The following ROBO2 variants were observed in gnomAD, a reference collection of about 807,000 sequenced individuals.
The protein encoded by ROBO2 is roundabout guidance receptor 2, also known as roundabout homolog 2.
Under a neutral mutation model 160.8 loss-of-function variants are expected in ROBO2, and 53 were observed. The ratio of observed to expected loss-of-function variants is 0.33; its 90% confidence interval spans 0.26 to 0.41. ROBO2 has a LOEUF of 0.41. Ranked by LOEUF, ROBO2 falls within the 10% of genes least tolerant of loss-of-function variation. The probability of loss-of-function intolerance (pLI) is 1.00; values close to 1 mark genes in which losing one functional copy is unlikely to be tolerated. For synonymous variants in ROBO2, 664 were observed against 611.7 expected, an observed-to-expected ratio of 1.09 and a Z score of -1.26; for missense variants, 1,577 against 1,722.4, an observed-to-expected ratio of 0.92 and a Z score of 1.49.
chr3:76,903,785 T>G (rs1023303879), intron 2 of ROBO2, among the ~76,000 whole-genome samples: 4 of 152,124 alleles, frequency 2.6e-5, no homozygotes, highest in African/African-American at 7.2e-5. Context: ...GCCATTTGCT[T>G]CTTCTTTTCA....
intron 1 of ROBO2, among the ~76,000 whole-genome samples, chr3:77,060,261 C>G (rs770794156): frequency 6.6e-6 from 1 of 152,098 alleles, no homozygotes; most frequent in Non-Finnish European, 1.5e-5. Flanking sequence ...GCCAGGCTAC[C>G]CATTCCAGCT....
chr3:76,434,202 G>A (rs547345177), intron 2 of ROBO2: 34 of 1,106,160 alleles, frequency 3.1e-5, no homozygotes, highest in East Asian at 7.0e-5. Flanking sequence ...TGGGGGAGAC[G>A]TGCAGAAATA....
At chr3:76,399,187 T>C (rs966511894) in intron 2 of ROBO2, among the ~76,000 whole-genome samples, 6 of 151,792 alleles carry the variant, frequency 4.0e-5, no homozygotes, top group Non-Finnish European at 8.8e-5. Flanking sequence ...GTTGAATTTG[T>C]ATTTTTTAAA....
intron 2 of ROBO2, among the ~76,000 whole-genome samples, chr3:76,197,825 T>G (rs1432709345): frequency 6.6e-6 from 1 of 152,198 alleles, no homozygotes; most frequent in Non-Finnish European, 1.5e-5. Flanking sequence ...GAAATCTTGT[T>G]GGGCATATGG....
At chr3:76,067,013 T>C (rs1442304685) in intron 2 of ROBO2, among the ~76,000 whole-genome samples, 1 of 152,168 alleles carries the variant, frequency 6.6e-6, no homozygotes, top group Non-Finnish European at 1.5e-5. Context: ...ACACTTTCCA[T>C]GGACAAATAC....
chr3:77,385,775 T>C (rs2074036080), intron 2 of ROBO2, among the ~76,000 whole-genome samples: 1 of 152,176 alleles, frequency 6.6e-6, no homozygotes, highest in East Asian at 1.9e-4. Context: ...CATTGTATGT[T>C]TTCCTGCCTT....
intron 2 of ROBO2, among the ~76,000 whole-genome samples, chr3:76,506,057 T>C (rs993721069): frequency 1.3e-5 from 2 of 152,146 alleles, no homozygotes; most frequent in African/African-American, 4.8e-5. Flanking sequence ...AGCACCTGCA[T>C]TCTTCACTGA....
chr3:76,567,799 A>G (rs12491380), intron 2 of ROBO2, among the ~76,000 whole-genome samples: 1,544 of 44,988 alleles, frequency 0.034, 18 homozygotes, highest in East Asian at 0.1. Context: ...GTGTGTGTGT[A>G]TATATATATT....
chr3:76,147,580 A>G (rs2071965888), intron 2 of ROBO2, among the ~76,000 whole-genome samples: 1 of 152,070 alleles, frequency 6.6e-6, no homozygotes, highest in Non-Finnish European at 1.5e-5. Context: ...AAAGTACTTA[A>G]GTTTGCAGCC....
At chr3:76,388,283 T>C (rs993873272) in intron 2 of ROBO2, among the ~76,000 whole-genome samples, 1 of 151,994 alleles carries the variant, frequency 6.6e-6, no homozygotes, top group African/African-American at 2.4e-5. Flanking sequence ...TTTTCTTTTT[T>C]TTTTTTTAGA....
At chr3:76,886,133 T>TCC (rs904023359) in intron 2 of ROBO2, among the ~76,000 whole-genome samples, 12 of 152,170 alleles carry the variant, frequency 7.9e-5, no homozygotes, top group African/African-American at 2.9e-4. Context: ...GTTTTTGCTC[T>TCC]CCCTCTGTCT....
chr3:77,260,086 C>A (rs1241902197), intron 2 of ROBO2, among the ~76,000 whole-genome samples: 9 of 152,098 alleles, frequency 5.9e-5, no homozygotes, highest in African/African-American at 2.2e-4. Context: ...CAACTTATTC[C>A]TTTTAATGTA....
At chr3:77,216,585 G>A (rs1338611000) in intron 2 of ROBO2, among the ~76,000 whole-genome samples, 1 of 152,072 alleles carries the variant, frequency 6.6e-6, no homozygotes, top group Non-Finnish European at 1.5e-5. Context: ...TCACTGTCCT[G>A]CACCCACTGT....
chr3:77,176,845 A>G (rs1402830228), intron 2 of ROBO2, among the ~76,000 whole-genome samples: 4 of 152,116 alleles, frequency 2.6e-5, no homozygotes, highest in African/African-American at 9.6e-5. Flanking sequence ...CTTATATAAA[A>G]CTTACAAGTT....
At chr3:77,113,272 A>C (rs1375627137) in intron 2 of ROBO2, among the ~76,000 whole-genome samples, 1 of 152,158 alleles carries the variant, frequency 6.6e-6, no homozygotes, top group Non-Finnish European at 1.5e-5. Flanking sequence ...GTCTGCTTTG[A>C]ATATTCTTAA....
chr3:77,058,850 T>C (rs1213282912), intron 1 of ROBO2, among the ~76,000 whole-genome samples: 1 of 152,146 alleles, frequency 6.6e-6, no homozygotes, highest in Non-Finnish European at 1.5e-5. Context: ...AGTTGCTTTT[T>C]AATTGCATGT....
At chr3:77,617,950 A>G in intron 22 of ROBO2, 177 bp downstream of exon 23, 4 of 674,770 alleles carry the variant, frequency 5.9e-6, no homozygotes, top group South Asian at 3.8e-5. Context: ...AATTTGGCCA[A>G]AACTAGAACT....
chr3:77,102,801 C>T (rs1220229660), intron 2 of ROBO2, among the ~76,000 whole-genome samples: 1 of 143,236 alleles, frequency 7.0e-6, no homozygotes, highest in Non-Finnish European at 1.5e-5. Flanking sequence ...CAGGACCAAT[C>T]ATTGCAATGA....
intron 2 of ROBO2, among the ~76,000 whole-genome samples, chr3:76,826,851 GAAGT>G (rs1161471877): frequency 6.6e-6 from 1 of 152,118 alleles, no homozygotes; most frequent in Non-Finnish European, 1.5e-5. Context: ...AAATAGCCCA[GAAGT>G]AAGAGCAAAG....
Sources: allele counts gnomAD v4.1 joint callset (sites outside exome capture counted in the v4.1 genomes callset), GRCh38; gene constraint gnomAD v4.1.1; transcripts MANE v1.5; gene names NCBI Gene and HGNC (gene_info 2026-07-23, HGNC 2026-07-21).